CCL28: variants seen among roughly 807,000 people sequenced by gnomAD.
CCL28 encodes the protein C-C motif chemokine ligand 28, also known as C-C motif chemokine 28.
A neutral mutation model predicts 7.1 loss-of-function variants in CCL28; 4 were observed. The observed-to-expected ratio is 0.56, with a 90% CI of 0.28 to 1.29. CCL28 has a LOEUF of 1.29. CCL28 is among the 50% of genes most tolerant of loss of function. CCL28 has a pLI of 0.11. For synonymous variants in CCL28, 55 were observed against 57.8 expected, an observed-to-expected ratio of 0.95 and a Z score of 0.22; for missense variants, 151 against 163.4, an observed-to-expected ratio of 0.92 and a Z score of 0.41.
chr5:43,375,497 C>G (rs1379456867), downstream of CCL28, among the ~76,000 whole-genome samples: 5 of 107,740 alleles, frequency 4.6e-5, no homozygotes, highest in Admixed American at 5.2e-4. Context: ...CCATTGCCAA[C>G]TGATAGAAAA....
the CCL28 span, among the ~76,000 whole-genome samples, chr5:43,364,509 A>T: frequency 2.9e-4 from 44 of 152,208 alleles, no homozygotes; most frequent in African/African-American, 9.2e-4. Flanking sequence ...AGAATTTTTT[A>T]AAAATATCAA....
chr5:43,383,036 C>T (rs1740185742), intron 2 of CCL28, among the ~76,000 whole-genome samples: 1 of 152,046 alleles, frequency 6.6e-6, no homozygotes, highest in South Asian at 2.1e-4. Flanking sequence ...CCAGGCTGGT[C>T]TTGAACTACT....
At chr5:43,366,761 C>A in the CCL28 span, among the ~76,000 whole-genome samples, 6 of 152,210 alleles carry the variant, frequency 3.9e-5, no homozygotes, top group East Asian at 1.2e-3. Context: ...CCCCTTCCCC[C>A]AGGTGCTCTG....
intron 1 of CCL28, 43 bp downstream of exon 1, chr5:43,412,210 C>T (rs1741558867): frequency 6.5e-7 from 1 of 1,537,544 alleles, no homozygotes; most frequent in Non-Finnish European, 8.9e-7. Context: ...GGGAGATACC[C>T]CCCTTTCCAG....
chr5:43,398,298 A>G (rs190376877), intron 1 of CCL28, among the ~76,000 whole-genome samples: 68 of 152,306 alleles, frequency 4.5e-4, no homozygotes, highest in Non-Finnish European at 6.0e-4. Context: ...AACACAGCTA[A>G]CTGCAGCCTT....
At chr5:43,402,507 T>G (rs919846372) in intron 1 of CCL28, among the ~76,000 whole-genome samples, 2 of 152,208 alleles carry the variant, frequency 1.3e-5, no homozygotes, top group African/African-American at 4.8e-5. Flanking sequence ...ATATGTAGAT[T>G]GTGATCCTGT....
chr5:43,369,614 G>A, the CCL28 span, among the ~76,000 whole-genome samples: 1 of 151,938 alleles, frequency 6.6e-6, no homozygotes, highest in Non-Finnish European at 1.5e-5. Flanking sequence ...TCAGTAGACG[G>A]GGTTTCACCA....
chr5:43,364,638 C>A, the CCL28 span, among the ~76,000 whole-genome samples: 1 of 152,004 alleles, frequency 6.6e-6, no homozygotes, highest in Non-Finnish European at 1.5e-5. Flanking sequence ...TCTCATTGAT[C>A]TAATATTGAC....
chr5:43,405,449 G>A (rs1384275729), intron 1 of CCL28, among the ~76,000 whole-genome samples: 3 of 152,196 alleles, frequency 2.0e-5, no homozygotes, highest in Non-Finnish European at 4.4e-5. Flanking sequence ...TGAAACCAAT[G>A]AGAACAAAGA....
the CCL28 span, among the ~76,000 whole-genome samples, chr5:43,361,849 A>C: frequency 8.2e-6 from 1 of 121,462 alleles, no homozygotes. Context: ...CCATTGATCT[A>C]TGTGTCTTTT....
At chr5:43,359,725 A>C in the CCL28 span, among the ~76,000 whole-genome samples, 14 of 152,186 alleles carry the variant, frequency 9.2e-5, no homozygotes, top group African/African-American at 3.1e-4. Flanking sequence ...AAGATTTGTA[A>C]CTTCCTCAAT....
Position 43,409,291 on chromosome 5 carries a change from T to A in CCL28, c.64+2962A>T, listed in dbSNP as rs558051400. ...AAATACAAAAATTAGCTGGGTGTGG[T>A]GGTGCACGCTTCTAATCCCAGCTAC... On this transcript the variant is annotated intron_variant, in intron 1 of 2. Coordinates refer to ENST00000361115, the MANE Select transcript of CCL28 (RefSeq NM_148672.3). Among the ~76,000 whole-genome samples the A allele has an allele frequency of 2.4e-4, 37 of 152,228 alleles. 1 individual carries two copies. The South Asian group carries it at 7.3e-3, about 30-fold the overall frequency.
chr5:43,390,903 A>G (rs1489626434), intron 1 of CCL28, among the ~76,000 whole-genome samples: 1 of 152,212 alleles, frequency 6.6e-6, no homozygotes, highest in Non-Finnish European at 1.5e-5. Flanking sequence ...AGCCCAGAGT[A>G]TAGGAGTTCC....
At position 43,380,242 on chromosome 5, in the gene CCL28, C is replaced by T. The variant is rs990572892; in HGVS notation, c.*1618G>A. The T allele has an allele frequency of 1.1e-4, 16 of 152,104 alleles. No individual in the cohort carries two copies. Among genetic ancestry groups the T allele is most frequent in the African/African-American group, 3.6e-4 (15 of 41,388 alleles). The allele number at this position is 152,104 out of a possible 1,614,324, so 9.4% of individuals were successfully genotyped here. On this transcript the variant is annotated 3_prime_UTR_variant, in exon 3 of 3. Coordinates refer to ENST00000361115, the MANE Select transcript of CCL28 (RefSeq NM_148672.3). Reference sequence around the variant, plus strand: ...CACACAGAAGGCCGAACTCTGGGCCCCTAACTAGTGCTGCTCCAAGAACTG... The same window carrying T: ...CACACAGAAGGCCGAACTCTGGGCCTCTAACTAGTGCTGCTCCAAGAACTG...
At chr5:43,359,137 T>C in the CCL28 span, among the ~76,000 whole-genome samples, 4 of 152,200 alleles carry the variant, frequency 2.6e-5, no homozygotes, top group African/African-American at 9.6e-5. Flanking sequence ...GATAAGCTCC[T>C]GAGACAAGCT....
At chr5:43,402,129 C>T (rs1268552233) in intron 1 of CCL28, among the ~76,000 whole-genome samples, 2 of 152,174 alleles carry the variant, frequency 1.3e-5, no homozygotes, top group Non-Finnish European at 2.9e-5. Flanking sequence ...GACTTTTCTG[C>T]CATTTGTTGA....
the CCL28 span, among the ~76,000 whole-genome samples, chr5:43,369,755 T>C: frequency 3.4e-4 from 51 of 152,190 alleles, 1 homozygote; most frequent in African/African-American, 1.2e-3. Flanking sequence ...TGTCCACATG[T>C]GGCAGCTAGA....
chr5:43,373,939 G>A (rs1739836036), downstream of CCL28, among the ~76,000 whole-genome samples: 1 of 152,132 alleles, frequency 6.6e-6, no homozygotes, highest in Admixed American at 6.6e-5. Flanking sequence ...ACAGGCTGAG[G>A]GCATGAAAAG....
chr5:43,371,652 C>T (rs1019160939), downstream of CCL28, among the ~76,000 whole-genome samples: 2 of 152,194 alleles, frequency 1.3e-5, no homozygotes, highest in Non-Finnish European at 2.9e-5. Context: ...GCCTGCTGCC[C>T]CTGCAGACAT....
Sources: gnomAD v4.1 joint callset for allele counts (sites outside exome capture counted in the v4.1 genomes callset) on GRCh38, gnomAD v4.1.1 for gene constraint, MANE v1.5 for transcripts, NCBI Gene and HGNC (gene_info 2026-07-23, HGNC 2026-07-21) for gene names.